SNX25: variants seen among roughly 807,000 people sequenced by gnomAD.
The protein encoded by SNX25 is sorting nexin-25.
SNX25 carries 62 observed loss-of-function variants against 113.7 expected under a neutral mutation model. The observed-to-expected ratio is 0.55, with a 90% CI of 0.44 to 0.67. The LOEUF (loss-of-function observed/expected upper bound fraction) is 0.67, where lower values mean the gene tolerates loss of function less well. SNX25 is among the 30% of genes least tolerant of loss of function. SNX25 has a pLI of 0.00. For missense variants in SNX25, 1,014 were observed against 1,161.0 expected (o/e 0.87, Z 1.84); for synonymous variants, 421 against 436.2 (o/e 0.97, Z 0.43).
At chr4:185,376,483 G>A in the SNX25 span, among the ~76,000 whole-genome samples, 1 of 136,406 alleles carries the variant, frequency 7.3e-6, no homozygotes, top group Non-Finnish European at 1.5e-5. Context: ...TAGTACAGAT[G>A]GGGTGTAGCC....
intron 11 of SNX25, among the ~76,000 whole-genome samples, chr4:185,340,512 C>G (rs1305515536): frequency 6.6e-6 from 1 of 152,106 alleles, no homozygotes; most frequent in Non-Finnish European, 1.5e-5. Flanking sequence ...GAAGGTCATG[C>G]CCAGCCTCAG....
chr4:185,251,822 A>T (rs1342290106), intron 2 of SNX25, among the ~76,000 whole-genome samples: 1 of 152,158 alleles, frequency 6.6e-6, no homozygotes, highest in Non-Finnish European at 1.5e-5. Context: ...TTGTGGGGAA[A>T]AAAAAAAGAC....
chr4:185,269,396 A>G (rs1007138435), intron 5 of SNX25, among the ~76,000 whole-genome samples: 2 of 152,184 alleles, frequency 1.3e-5, no homozygotes, highest in African/African-American at 2.4e-5. Flanking sequence ...CATGATGACT[A>G]TGCCCCACAA....
chr4:185,242,918 C>T (rs1744286215), intron 1 of SNX25, among the ~76,000 whole-genome samples: 1 of 152,148 alleles, frequency 6.6e-6, no homozygotes, highest in African/African-American at 2.4e-5. Flanking sequence ...CATAGTAACC[C>T]AGTTATTTTT....
At chr4:185,256,477 C>T (rs1192365006) in intron 2 of SNX25, among the ~76,000 whole-genome samples, 1 of 152,110 alleles carries the variant, frequency 6.6e-6, no homozygotes, top group Non-Finnish European at 1.5e-5. Flanking sequence ...AAAAAGCCAT[C>T]ATAGAATATT....
At chr4:185,277,149 C>T (rs553584828) in intron 5 of SNX25, among the ~76,000 whole-genome samples, 5 of 152,206 alleles carry the variant, frequency 3.3e-5, no homozygotes, top group East Asian at 1.9e-4. Context: ...CTCAGCCTCC[C>T]GAGTAGCTGG....
At chr4:185,244,044 C>T (rs1455679759) in intron 1 of SNX25, among the ~76,000 whole-genome samples, 1 of 152,170 alleles carries the variant, frequency 6.6e-6, no homozygotes, top group African/African-American at 2.4e-5. Flanking sequence ...GTTGCCCAGG[C>T]TGGAGTGCAG....
intron 1 of SNX25, among the ~76,000 whole-genome samples, chr4:185,220,765 C>T (rs548831593): frequency 6.6e-6 from 1 of 152,306 alleles, no homozygotes; most frequent in Non-Finnish European, 1.5e-5. Flanking sequence ...CAGGCGTGAG[C>T]CACTGCGCCC....
chr4:185,328,760 C>T (rs1420096965), intron 9 of SNX25, among the ~76,000 whole-genome samples: 1 of 152,136 alleles, frequency 6.6e-6, no homozygotes, highest in Non-Finnish European at 1.5e-5. Flanking sequence ...TGAACGCGAG[C>T]AGTGCCTTTA....
intron 2 of SNX25, among the ~76,000 whole-genome samples, chr4:185,256,592 A>C (rs1746454352): frequency 1.4e-5 from 2 of 147,310 alleles, no homozygotes; most frequent in African/African-American, 2.5e-5. Flanking sequence ...CCCACCCTCC[A>C]ATCCCTCCCC....
At chr4:185,208,385 G>A (rs1409999584), upstream of SNX25, among the ~76,000 whole-genome samples, 1 of 152,156 alleles carries the variant, frequency 6.6e-6, no homozygotes, top group Non-Finnish European at 1.5e-5. Flanking sequence ...GCATGGCAAA[G>A]TCACATCTAG....
At chr4:185,245,459 T>G (rs1231859446) in intron 1 of SNX25, among the ~76,000 whole-genome samples, 1 of 152,032 alleles carries the variant, frequency 6.6e-6, no homozygotes, top group African/African-American at 2.4e-5. Context: ...TGCCTCAGCC[T>G]GCCGAGTAGC....
intron 7 of SNX25, among the ~76,000 whole-genome samples, chr4:185,319,246 G>A (rs1391674483): frequency 2.1e-5 from 3 of 140,990 alleles, no homozygotes; most frequent in Non-Finnish European, 4.6e-5. Flanking sequence ...TGCCCAGGCT[G>A]GAGTGCAATG....
At chr4:185,339,281 C>G in intron 10 of SNX25, 98 bp from the exon 11 acceptor site, 4 of 1,160,844 alleles carry the variant, frequency 3.4e-6, no homozygotes, top group Non-Finnish European at 4.9e-6. Context: ...TATCGAAACA[C>G]AGCTGATTAT....
At chr4:185,226,363 G>C (rs1740996367) in intron 1 of SNX25, among the ~76,000 whole-genome samples, 1 of 152,216 alleles carries the variant, frequency 6.6e-6, no homozygotes, top group African/African-American at 2.4e-5. Context: ...TTAGTTCTGG[G>C]AGATGCTTTT....
chr4:185,365,012 G>A (rs1203653676), downstream of SNX25: 2 of 130,244 alleles, frequency 1.5e-5, no homozygotes, highest in Non-Finnish European at 3.1e-5. Flanking sequence ...GAGTGTGTGT[G>A]TGTGTATGTG....
chr4:185,221,151 G>A (rs541640013), intron 1 of SNX25, among the ~76,000 whole-genome samples: 8 of 151,876 alleles, frequency 5.3e-5, no homozygotes, highest in African/African-American at 1.7e-4. Context: ...TCCCACTTCA[G>A]CCTCCCAAGT....
intron 6 of SNX25, among the ~76,000 whole-genome samples, chr4:185,294,026 A>G (rs1478462642): frequency 6.6e-6 from 1 of 152,184 alleles, no homozygotes; most frequent in Non-Finnish European, 1.5e-5. Context: ...ATTGATAAGG[A>G]AGATCGTGAA....
At chr4:185,307,055 A>C (rs1271866250) in intron 6 of SNX25, among the ~76,000 whole-genome samples, 1 of 152,164 alleles carries the variant, frequency 6.6e-6, no homozygotes, top group Admixed American at 6.6e-5. Context: ...CCATGTATTG[A>C]CCTGAGGCCT....
Sources: gnomAD v4.1 joint callset for allele counts (sites outside exome capture counted in the v4.1 genomes callset) on GRCh38, gnomAD v4.1.1 for gene constraint, MANE v1.5 for transcripts, NCBI Gene and HGNC (gene_info 2026-07-23, HGNC 2026-07-21) for gene names.